The following MARCHF5 variants were observed in gnomAD, a reference collection of about 807,000 sequenced individuals.
The protein encoded by MARCHF5 is E3 ubiquitin-protein ligase MARCHF5.
MARCHF5 carries 5 observed loss-of-function variants against 36.5 expected under a neutral mutation model. The observed-to-expected ratio is 0.14, with a 90% CI of 0.07 to 0.29. The LOEUF is 0.29. Ranked by LOEUF, MARCHF5 falls within the 10% of genes least tolerant of loss-of-function variation. MARCHF5 has a pLI of 1.00. For missense variants in MARCHF5, 179 were observed against 336.3 expected, an observed-to-expected ratio of 0.53 and a Z score of 3.66; for synonymous variants, 103 against 109.9, an observed-to-expected ratio of 0.94 and a Z score of 0.39.
chr10:92,304,420 G>A (rs1354066874), intron 1 of MARCHF5, among the ~76,000 whole-genome samples: 6 of 151,986 alleles, frequency 3.9e-5, no homozygotes, highest in Non-Finnish European at 7.4e-5. Context: ...TAAGCCTATG[G>A]GTTCCTTCTC....
At chr10:92,300,891 C>CTTTTTT (rs370507190) in intron 1 of MARCHF5, among the ~76,000 whole-genome samples, 3 of 127,754 alleles carry the variant, frequency 2.3e-5, no homozygotes, top group South Asian at 2.5e-4. Context: ...CCTCCTAATT[C>CTTTTTT]TTTTTTTTTT....
chr10:92,297,395 C>T (rs1228571405), intron 1 of MARCHF5, among the ~76,000 whole-genome samples: 2 of 151,776 alleles, frequency 1.3e-5, no homozygotes, highest in African/African-American at 4.8e-5. Context: ...GTCTCAAACT[C>T]CTGGGCTCAA....
chr10:92,297,446 G>A (rs1180920235), intron 1 of MARCHF5, among the ~76,000 whole-genome samples: 1 of 150,152 alleles, frequency 6.7e-6, no homozygotes, highest in African/African-American at 2.4e-5. Flanking sequence ...CCCAAAGTGG[G>A]GGACTACAGG....
At chr10:92,308,276 C>T (rs1311732743) in intron 1 of MARCHF5, among the ~76,000 whole-genome samples, 2 of 152,068 alleles carry the variant, frequency 1.3e-5, no homozygotes, top group Non-Finnish European at 2.9e-5. Context: ...AGGGTAACTT[C>T]GTGACGTTGC....
intron 1 of MARCHF5, among the ~76,000 whole-genome samples, chr10:92,296,066 G>T (rs563852902): frequency 6.6e-6 from 1 of 151,554 alleles, no homozygotes; most frequent in South Asian, 2.1e-4. Context: ...GTAGAGACTG[G>T]GTATCTCTAT....
At chr10:92,322,545 TC>T (rs1236027867) in intron 2 of MARCHF5, among the ~76,000 whole-genome samples, 1 of 149,350 alleles carries the variant, frequency 6.7e-6, no homozygotes, top group African/African-American at 2.5e-5. Flanking sequence ...GCTCAAGTGA[TC>T]CTCCCACCTC....
intron 2 of MARCHF5, among the ~76,000 whole-genome samples, chr10:92,339,481 C>A (rs1392183143): frequency 2.6e-5 from 4 of 152,066 alleles, no homozygotes; most frequent in African/African-American, 9.7e-5. Flanking sequence ...ACCAACCTGA[C>A]TAACATGGTG....
At chr10:92,311,085 G>A in intron 1 of MARCHF5, 50 bp from the exon 2 acceptor site, 1 of 1,396,586 alleles carries the variant, frequency 7.2e-7, no homozygotes, top group Non-Finnish European at 1.0e-6. Flanking sequence ...TATAGAGGAG[G>A]CTGGAGTCCT....
intron 2 of MARCHF5, among the ~76,000 whole-genome samples, chr10:92,326,971 T>C (rs1253118609): frequency 6.6e-6 from 1 of 152,152 alleles, no homozygotes; most frequent in Non-Finnish European, 1.5e-5. Context: ...ACTATCGTTA[T>C]AAATTTCTGG....
intron 1 of MARCHF5, among the ~76,000 whole-genome samples, chr10:92,309,556 A>AATGAT (rs1843121183): frequency 6.6e-6 from 1 of 152,244 alleles, no homozygotes; most frequent in South Asian, 2.1e-4. Context: ...TTGTTGCTAA[A>AATGAT]ATGATACATT....
chr10:92,299,667 C>CCA (rs1423508770), intron 1 of MARCHF5, among the ~76,000 whole-genome samples: 1 of 151,896 alleles, frequency 6.6e-6, no homozygotes, highest in Admixed American at 6.6e-5. Flanking sequence ...TCAGAGCTTC[C>CCA]CACACACACA....
intron 3 of MARCHF5, among the ~76,000 whole-genome samples, chr10:92,341,594 T>C (rs559546722): frequency 1.3e-5 from 2 of 152,140 alleles, no homozygotes; most frequent in African/African-American, 2.4e-5. Flanking sequence ...ATCAACTTAG[T>C]TTTTTTGTGT....
intron 3 of MARCHF5, among the ~76,000 whole-genome samples, chr10:92,349,023 G>A (rs552553572): frequency 2.6e-5 from 4 of 152,128 alleles, no homozygotes; most frequent in African/African-American, 4.8e-5. Flanking sequence ...TCCCAGTTCC[G>A]TAGCCCAGTC....
intron 4 of MARCHF5, 40 bp from the exon 5 acceptor site, chr10:92,349,631 T>G: frequency 6.2e-7 from 1 of 1,603,412 alleles, no homozygotes; most frequent in South Asian, 1.1e-5. Context: ...CTAACTCTTC[T>G]GATTTATTAG....
chr10:92,332,607 A>G (rs1843450026), intron 2 of MARCHF5, among the ~76,000 whole-genome samples: 1 of 130,762 alleles, frequency 7.6e-6, no homozygotes. Context: ...TACAACCTCC[A>G]CCTCCTGGGT....
At chr10:92,293,120 C>T (rs1246145791) in intron 1 of MARCHF5, among the ~76,000 whole-genome samples, 3 of 152,108 alleles carry the variant, frequency 2.0e-5, no homozygotes, top group African/African-American at 7.2e-5. Context: ...GAGACAGGGT[C>T]TCTGTTGCCC....
At chr10:92,294,207 G>A (rs1041937270) in intron 1 of MARCHF5, among the ~76,000 whole-genome samples, 3 of 152,140 alleles carry the variant, frequency 2.0e-5, no homozygotes, top group East Asian at 1.9e-4. Flanking sequence ...TAAAGCTTGG[G>A]CTCAGAGATA....
chr10:92,319,526 C>T (rs1270777842), intron 2 of MARCHF5, among the ~76,000 whole-genome samples: 2 of 151,930 alleles, frequency 1.3e-5, no homozygotes, highest in Non-Finnish European at 2.9e-5. Context: ...GATCTCCTGA[C>T]CTCGTGATCT....
chr10:92,332,515 CTTTT>C (rs34226671), intron 2 of MARCHF5, among the ~76,000 whole-genome samples: 10 of 95,934 alleles, frequency 1.0e-4, no homozygotes, highest in Non-Finnish European at 2.0e-4. Flanking sequence ...ATTCCCCATC[CTTTT>C]TTTTTTTTTT....
Sources: gnomAD v4.1 joint callset for allele counts (sites outside exome capture counted in the v4.1 genomes callset) on GRCh38, gnomAD v4.1.1 for gene constraint, MANE v1.5 for transcripts, NCBI Gene and HGNC (gene_info 2026-07-23, HGNC 2026-07-21) for gene names.